The following CACNA2D4 variants were observed in gnomAD, a reference collection of about 807,000 sequenced individuals.
The protein encoded by CACNA2D4 is voltage-dependent calcium channel subunit alpha-2/delta-4.
CACNA2D4 carries 157 observed loss-of-function variants against 163.8 expected under a neutral mutation model. That is an observed-to-expected ratio of 0.96 (90% CI 0.84 to 1.09). The LOEUF (loss-of-function observed/expected upper bound fraction) is 1.09, where lower values mean the gene tolerates loss of function less well. Among genes scored for constraint, CACNA2D4 ranks in the 50% least tolerant of loss-of-function variants. The pLI is 0.00. For synonymous variants in CACNA2D4, 598 were observed against 586.9 expected (o/e 1.02, Z -0.27); for missense variants, 1,410 against 1,479.9 (o/e 0.95, Z 0.78).
At position 1,834,454 on chromosome 12, in the gene CACNA2D4, G is replaced by T; in HGVS notation, c.2551+6285C>A. On this transcript the variant is annotated intron_variant, in intron 26 of 37. Coordinates refer to ENST00000382722, the MANE Select transcript of CACNA2D4 (RefSeq NM_172364.5). This position sits in a 1 kb window ranked among gnomAD's most constrained non-coding sequence, Gnocchi z 7.6. ...CAGAGCCTGCTAAGCCCAAGCCCGGGGCTGAGCCGGAGCCGGAGCCCAGCA... is the reference window on the plus strand; with the variant it reads ...CAGAGCCTGCTAAGCCCAAGCCCGGTGCTGAGCCGGAGCCGGAGCCCAGCA... The T allele has an allele frequency of 6.2e-7, 1 of 1,611,762 alleles. No individual in the cohort carries two copies. Among genetic ancestry groups the T allele is most frequent in the Non-Finnish European group, 8.5e-7 (1 of 1,179,846 alleles).
At chr12:1,848,922 T>C (rs1865214451) in intron 23 of CACNA2D4, among the ~76,000 whole-genome samples, 1 of 152,186 alleles carries the variant, frequency 6.6e-6, no homozygotes, top group South Asian at 2.1e-4. Flanking sequence ...GTGATTATAA[T>C]TACTTTTGCT....
intron 23 of CACNA2D4, among the ~76,000 whole-genome samples, chr12:1,847,113 C>T (rs1425466590): frequency 1.3e-5 from 2 of 152,162 alleles, no homozygotes; most frequent in South Asian, 2.1e-4. Context: ...CCCTTCTTAC[C>T]GAAACGTGAA....
chr12:1,830,540 T>C (rs1201885271), intron 26 of CACNA2D4, among the ~76,000 whole-genome samples: 1 of 152,138 alleles, frequency 6.6e-6, no homozygotes, highest in Non-Finnish European at 1.5e-5. Context: ...CTTATCTCCT[T>C]TCTTGTGTCA....
intron 31 of CACNA2D4, chr12:1,800,751 G>T: frequency 1.7e-6 from 1 of 591,514 alleles, no homozygotes. Context: ...GTGATCAAGC[G>T]GCAGTGTCAG....
chr12:1,858,428 C>T (rs922339291), intron 20 of CACNA2D4, 149 bp downstream of exon 20: 3 of 659,274 alleles, frequency 4.6e-6, no homozygotes, highest in African/African-American at 3.6e-5. Flanking sequence ...CCCCTCTCCA[C>T]CTGGCAGCAT....
At chr12:1,839,845 GGTTA>G (rs1327816350) in intron 26 of CACNA2D4, among the ~76,000 whole-genome samples, 1 of 152,056 alleles carries the variant, frequency 6.6e-6, no homozygotes, top group Non-Finnish European at 1.5e-5. Context: ...GCATCTTGGT[GGTTA>G]GTAACACCTT....
At chr12:1,915,341 A>C in intron 1 of CACNA2D4, 1 of 678,028 alleles carries the variant, frequency 1.5e-6, no homozygotes, top group Non-Finnish European at 2.7e-6. Context: ...TGACGAGCCC[A>C]GGACTGAGCT....
chr12:1,888,127 T>C (rs1866195608), intron 6 of CACNA2D4, among the ~76,000 whole-genome samples: 1 of 152,164 alleles, frequency 6.6e-6, no homozygotes, highest in African/African-American at 2.4e-5. Flanking sequence ...TGGTCTGACC[T>C]AGTCTTGCAG....
chr12:1,826,415 C>G (rs1864327757), intron 26 of CACNA2D4, among the ~76,000 whole-genome samples: 1 of 138,788 alleles, frequency 7.2e-6, no homozygotes. Context: ...CCCCCCCCCC[C>G]CGCCAACTGG....
chr12:1,807,581 C>A (rs1304177660), intron 29 of CACNA2D4, among the ~76,000 whole-genome samples: 2 of 152,106 alleles, frequency 1.3e-5, no homozygotes, highest in Non-Finnish European at 2.9e-5. Context: ...GCCCCAGACT[C>A]TCCGCCGCCC....
intron 1 of CACNA2D4, among the ~76,000 whole-genome samples, chr12:1,915,623 C>T (rs1387997039): frequency 6.6e-6 from 1 of 152,230 alleles, no homozygotes; most frequent in African/African-American, 2.4e-5. Context: ...CACTGCTGAG[C>T]CTGAGGGCAG....
intron 29 of CACNA2D4, among the ~76,000 whole-genome samples, chr12:1,808,391 A>G (rs1257568192): frequency 3.3e-5 from 5 of 152,194 alleles, no homozygotes; most frequent in African/African-American, 7.2e-5. Context: ...ATAACATCTC[A>G]TGACACGTGA....
intron 25 of CACNA2D4, 127 bp from the exon 26 acceptor site, chr12:1,840,946 G>T (rs1865009732): frequency 3.8e-6 from 3 of 799,526 alleles, no homozygotes; most frequent in Non-Finnish European, 2.1e-6. Flanking sequence ...GAATTGAGGC[G>T]AGGGTGGGGA....
intron 6 of CACNA2D4, among the ~76,000 whole-genome samples, chr12:1,900,222 T>A (rs1866503861): frequency 6.6e-6 from 1 of 152,174 alleles, no homozygotes; most frequent in Non-Finnish European, 1.5e-5. Flanking sequence ...CTCAGACTCC[T>A]GGGGTCAAGT....
chr12:1,834,280 C>A lies in CACNA2D4; in HGVS notation c.2551+6459G>T. ...TTCTGCATGTAGGGGGACGCTTGGA[C>A]CAGCTTGCCTGCACCCTGCCCAAGG... On this transcript the variant is annotated intron_variant, in intron 26 of 37. Coordinates refer to ENST00000382722, the MANE Select transcript of CACNA2D4 (RefSeq NM_172364.5). This position sits in a 1 kb window ranked among gnomAD's most constrained non-coding sequence, Gnocchi z 7.6. The A allele has an allele frequency of 6.3e-7, 1 of 1,576,698 alleles. No homozygotes were observed. The highest frequency in any genetic ancestry group is 8.6e-7 in the Non-Finnish European group (1 of 1,158,522).
At chr12:1,893,626 T>C (rs925537642) in intron 6 of CACNA2D4, among the ~76,000 whole-genome samples, 1 of 152,046 alleles carries the variant, frequency 6.6e-6, no homozygotes, top group African/African-American at 2.4e-5. Flanking sequence ...ACTATTCAAA[T>C]ACATGAAAAT....
At chr12:1,859,924 A>G (rs1013757649) in intron 19 of CACNA2D4, among the ~76,000 whole-genome samples, 3 of 152,220 alleles carry the variant, frequency 2.0e-5, no homozygotes, top group Admixed American at 6.5e-5. Context: ...CACTTGACCA[A>G]GTTTACACAG....
At chr12:1,796,736 C>T (rs1373174241) in intron 35 of CACNA2D4, among the ~76,000 whole-genome samples, 1 of 152,210 alleles carries the variant, frequency 6.6e-6, no homozygotes. Flanking sequence ...GGTCTAGGGA[C>T]CGCCTGGCGA....
At chr12:1,816,389 C>G (rs990776097) in intron 26 of CACNA2D4, among the ~76,000 whole-genome samples, 1 of 152,202 alleles carries the variant, frequency 6.6e-6, no homozygotes, top group Admixed American at 6.5e-5. Context: ...CCTTCGTCCC[C>G]AGGAGGGCCT....
Sources: allele counts gnomAD v4.1 joint callset (sites outside exome capture counted in the v4.1 genomes callset), GRCh38; gene constraint gnomAD v4.1.1; non-coding constraint Gnocchi (gnomAD v3.1); transcripts MANE v1.5; gene names NCBI Gene and HGNC (gene_info 2026-07-23, HGNC 2026-07-21).